Variants in EXOSC2 observed in about 807,000 individuals in gnomAD.
The protein encoded by EXOSC2 is exosome complex component RRP4.
In EXOSC2, 29 loss-of-function variants were observed where a neutral mutation model predicts 37.6. That is an observed-to-expected ratio of 0.77 (90% confidence interval 0.57 to 1.05). EXOSC2 has a LOEUF of 1.05. Among genes scored for constraint, EXOSC2 ranks in the 50% least tolerant of loss-of-function variants. EXOSC2 has a pLI of 0.00. For missense variants in EXOSC2, 346 were observed against 365.6 expected, an observed-to-expected ratio of 0.95 and a Z score of 0.44; for synonymous variants, 119 against 131.1, an observed-to-expected ratio of 0.91 and a Z score of 0.63.
Position 130,699,392 on chromosome 9 carries a change from A to G in EXOSC2, c.424A>G (p.Ser142Gly). Residue 142 changes from serine (S) to glycine (G), a missense_variant and splice_region_variant, in exon 5 of 9, where the codon AGT (serine) becomes GGT (glycine). Ser to Gly is a moderately conservative substitution (Grantham distance 56, BLOSUM62 0). Coordinates refer to ENST00000372358, the MANE Select transcript of EXOSC2 (RefSeq NM_014285.7). ...RGFLQEGDLISAEVQAVFSDG... is the reference protein window; with the variant it reads ...RGFLQEGDLIGAEVQAVFSDG... ...TTTCTTACAGGAAGGGGACCTTATCAGTGTATCCTGCGCTTTGCACTCCAG... is the reference window on the plus strand; with the variant it reads ...TTTCTTACAGGAAGGGGACCTTATCGGTGTATCCTGCGCTTTGCACTCCAG... 1 of 1,614,204 alleles carries G rather than the reference A, an allele frequency of 6.2e-7. No individual in the cohort carries two copies. Among genetic ancestry groups the G allele is most frequent in the Non-Finnish European group, 8.5e-7 (1 of 1,179,992 alleles).
At chr9:130,699,255 G>C (rs1831160288) in intron 4 of EXOSC2, 74 bp from the exon 5 acceptor site, 19 of 1,466,976 alleles carry the variant, frequency 1.3e-5, no homozygotes, top group Non-Finnish European at 1.7e-5. Context: ...CATCTCAAAA[G>C]GAAGTGAAAG....
At chr9:130,702,675 A>G (rs1831244198) in intron 7 of EXOSC2, among the ~76,000 whole-genome samples, 1 of 152,052 alleles carries the variant, frequency 6.6e-6, no homozygotes, top group African/African-American at 2.4e-5. Context: ...GCTCACTGCA[A>G]GCTCCACCTC....
At chr9:130,702,421 A>T in intron 7 of EXOSC2, 111 bp downstream of exon 7, 1 of 837,948 alleles carries the variant, frequency 1.2e-6, no homozygotes, top group Non-Finnish European at 1.9e-6. Flanking sequence ...GTGTAGGCTG[A>T]GTCACTTTGA....
Position 130,703,085 on chromosome 9 carries a change from C to A in EXOSC2, c.705C>A (p.Ser235=), listed in dbSNP as rs763461702. Residue 235 remains serine (S), a synonymous_variant, in exon 8 of 9, where the codon TCC becomes TCA. Transcript: ENST00000372358. ...CTCTTGCTGATCGAGAGGTGATATCCCGGCTTCGGAACTGCATCATCTCGC... is the reference window on the plus strand; with the variant it reads ...CTCTTGCTGATCGAGAGGTGATATCACGGCTTCGGAACTGCATCATCTCGC... ...PVSLADREVI[S]RLRNCIISLV... The A allele has an allele frequency of 1.0e-4, 163 of 1,613,668 alleles. No individual in the cohort carries two copies. Among genetic ancestry groups the A allele is most frequent in the Non-Finnish European group, 1.3e-4 (156 of 1,179,874 alleles).
At chr9:130,695,469 T>G in intron 1 of EXOSC2, 23 bp from the exon 2 acceptor site, 4 of 1,598,558 alleles carry the variant, frequency 2.5e-6, no homozygotes, top group Non-Finnish European at 3.4e-6. Context: ...GTATCCTTTC[T>G]TTGTATCTTC....
Position 130,698,822 on chromosome 9 carries a change from C to T in EXOSC2, c.361-507C>T, listed in dbSNP as rs766857639. Among the ~76,000 whole-genome samples, 1 of 152,188 alleles carries T rather than the reference C, an allele frequency of 6.6e-6. No individual in the cohort carries two copies. Among genetic ancestry groups the T allele is most frequent in the African/African-American group, 2.4e-5 (1 of 41,442 alleles). On this transcript the variant is annotated intron_variant, in intron 4 of 8. Coordinates refer to ENST00000372358, the MANE Select transcript of EXOSC2 (RefSeq NM_014285.7). This position sits in a 1 kb window ranked among gnomAD's most constrained non-coding sequence, Gnocchi z 4.1. ...CAGCAGGGGATATAAGATAACTGAC[C>T]TAGTCCCTGGCAGTAGAAGAATAAA...
chr9:130,700,798 G>A, intron 5 of EXOSC2, 69 bp from the exon 6 acceptor site: 3 of 1,457,252 alleles, frequency 2.1e-6, no homozygotes, highest in South Asian at 2.3e-5. Context: ...GGGGTCAAGG[G>A]GAGAGGCTGC....
Position 130,698,336 on chromosome 9 carries a change from AT to A in EXOSC2, c.360+88del. On this transcript the variant is annotated intron_variant, in intron 4 of 8. Transcript: ENST00000372358. The surrounding 1 kb of genome is among the most constrained non-coding windows in gnomAD (Gnocchi z 4.1). ...CCCTTTGTTCCACCAGAGGACTTTG[AT>A]TTACACTGAGGTTGCCCCTTTGACT... The A allele has an allele frequency of 8.0e-7, 1 of 1,252,462 alleles. No individual in the cohort carries two copies. The highest frequency in any genetic ancestry group is 1.1e-6 in the Non-Finnish European group (1 of 869,858). 77.6% of individuals were successfully genotyped at this position (1,252,462 alleles called of 1,614,324 possible).
Position 130,697,601 on chromosome 9 carries a change from G to C in EXOSC2, c.244G>C (p.Asp82His), listed in dbSNP as rs1831123368. The change falls in exon 3 of 9, where the codon GAC (aspartate) becomes CAC (histidine). Residue 82 changes from aspartate (D) to histidine (H), a missense_variant. Physicochemically the swap from Asp to His is moderately conservative, Grantham distance 81. Transcript: ENST00000372358. Reference sequence around the variant, plus strand: ...TTTCAGATACATTGGTGAAGTAGGAGACATCGTAGTGGGACGAATCACAGA... The same window carrying C: ...TTTCAGATACATTGGTGAAGTAGGACACATCGTAGTGGGACGAATCACAGA... ...LKTRYIGEVG[D>H]IVVGRITEVQ... 1 of 1,614,026 alleles carries C rather than the reference G, an allele frequency of 6.2e-7. No homozygotes were observed. The highest frequency in any genetic ancestry group is 1.3e-5 in the African/African-American group (1 of 74,928).
At chr9:130,699,828 C>T (rs1284516929) in intron 5 of EXOSC2, 3 of 160,384 alleles carry the variant, frequency 1.9e-5, no homozygotes, top group Admixed American at 1.2e-4. Flanking sequence ...ATAGCAAGAC[C>T]CCCCTCTCTA....
In EXOSC2 at chr9:130,703,750, GAGGC is replaced by G. The variant is rs765822902; in HGVS notation, c.859_862del (p.Arg287PhefsTer61). On this transcript the variant is annotated frameshift_variant, in exon 9 of 9. Transcript: ENST00000372358. LOFTEE classifies it high-confidence loss of function. ...AGGAGATTGTGATGGAAACACGCCA[GAGGC>G]TTTTGGAACAGGAGGGATAAGGAGG... 2.0e-5 allele frequency: 32 copies of G among 1,613,778 alleles called. No individual in the cohort carries two copies. Among genetic ancestry groups the G allele is most frequent in the Non-Finnish European group, 2.4e-5 (28 of 1,179,878 alleles).
chr9:130,701,318 A>G (rs1831211588), intron 6 of EXOSC2: 1 of 190,046 alleles, frequency 5.3e-6, no homozygotes, highest in African/African-American at 2.4e-5. Flanking sequence ...GCCCTTAGAC[A>G]AACGTCCAAT....
intron 5 of EXOSC2, 125 bp from the exon 6 acceptor site, chr9:130,700,742 T>G (rs867966276): frequency 8.0e-6 from 6 of 754,068 alleles, no homozygotes; most frequent in African/African-American, 7.1e-5. Context: ...GGGTCAAAGA[T>G]TGTTGAGCCT....
chr9:130,699,482 C>A, intron 5 of EXOSC2, 88 bp downstream of exon 5: 1 of 1,280,884 alleles, frequency 7.8e-7, no homozygotes, highest in Non-Finnish European at 1.1e-6. Context: ...GACGGAAGAA[C>A]CATGTCATCC....
At position 130,694,133 on chromosome 9, in the gene EXOSC2, C is replaced by T. The variant is rs933760859; in HGVS notation, c.122+220C>T. The stretch of plus-strand genomic sequence containing the variant: ...TCTCAGCTCCCTGAAACCCTCCACT[C>T]CTGACCTCCGGTGGCTGTGACTTTT... On this transcript the variant is annotated intron_variant, in intron 1 of 8. Transcript: ENST00000372358. The surrounding 1 kb of genome is among the most constrained non-coding windows in gnomAD (Gnocchi z 4.0). Among the ~76,000 whole-genome samples, 1 of 152,098 alleles carries T rather than the reference C, an allele frequency of 6.6e-6. No homozygotes were observed. The highest frequency in any genetic ancestry group is 1.5e-5 in the Non-Finnish European group (1 of 68,038).
At chr9:130,695,855 CTTTTTTTTTTTT>C (rs397721632) in intron 2 of EXOSC2, among the ~76,000 whole-genome samples, 1 of 111,206 alleles carries the variant, frequency 9.0e-6, no homozygotes, top group South Asian at 2.9e-4. Context: ...AGGATTTTCT[CTTTTTTTTTTTT>C]TTTTTTTTTC....
At position 130,698,111 on chromosome 9, in the gene EXOSC2, T is replaced by C. The variant is rs1280745588; in HGVS notation, c.271-51T>C. The C allele has an allele frequency of 6.4e-7, 1 of 1,550,546 alleles. No individual in the cohort carries two copies. ...ATCTGGCCTTACTGGTTATTTATGA[T>C]ATGACACATGAACATGGAGCATGTG... On this transcript the variant is annotated intron_variant, in intron 3 of 8. Coordinates refer to ENST00000372358, the MANE Select transcript of EXOSC2 (RefSeq NM_014285.7). The surrounding 1 kb of genome is among the most constrained non-coding windows in gnomAD (Gnocchi z 4.1).
chr9:130,695,187 A>G (rs1239378682), intron 1 of EXOSC2, among the ~76,000 whole-genome samples: 5 of 152,200 alleles, frequency 3.3e-5, no homozygotes, highest in African/African-American at 1.2e-4. Context: ...TGCAATAGGG[A>G]AAAAAGTGGA....
Position 130,703,033 on chromosome 9 carries a change from C to T in EXOSC2, c.673-20C>T, listed in dbSNP as rs139550512. On this transcript the variant is annotated intron_variant, in intron 7 of 8. Coordinates refer to ENST00000372358, the MANE Select transcript of EXOSC2 (RefSeq NM_014285.7). Reference sequence around the variant, plus strand: ...TGGTCCTGTTTGTATTTCCCTTCCCCTCTCTGTGTCTCCTTATAGCCTGTC... The same window carrying T: ...TGGTCCTGTTTGTATTTCCCTTCCCTTCTCTGTGTCTCCTTATAGCCTGTC... The T allele has an allele frequency of 8.9e-4, 1,427 of 1,601,062 alleles. 9 individuals are homozygous for T. In the African/African-American group the frequency reaches 0.014, roughly 16 times the overall value.
Sources: gnomAD v4.1 joint callset for allele counts (sites outside exome capture counted in the v4.1 genomes callset) on GRCh38, gnomAD v4.1.1 for gene constraint, Gnocchi (gnomAD v3.1) non-coding constraint, MANE v1.5 for transcripts, NCBI Gene and HGNC (gene_info 2026-07-23, HGNC 2026-07-21) for gene names.